PPTC7: variants seen among roughly 807,000 people sequenced by gnomAD.
PPTC7 encodes the protein protein phosphatase targeting COQ7, also known as protein phosphatase PTC7 homolog.
In PPTC7, 6 loss-of-function variants were observed where a neutral mutation model predicts 30.8. That is an observed-to-expected ratio of 0.19 (90% confidence interval 0.11 to 0.38). The LOEUF (loss-of-function observed/expected upper bound fraction) is 0.38. Ranked by LOEUF, PPTC7 falls within the 10% of genes least tolerant of loss-of-function variation. The probability of loss-of-function intolerance (pLI) is 1.00; values close to 1 mark genes in which losing one functional copy is unlikely to be tolerated. For missense variants in PPTC7, 218 were observed against 404.8 expected, an observed-to-expected ratio of 0.54 and a Z score of 3.96; for synonymous variants, 163 against 168.1, an observed-to-expected ratio of 0.97 and a Z score of 0.23.
intron 1 of PPTC7, among the ~76,000 whole-genome samples, chr12:110,580,511 G>C (rs2135800778): frequency 6.6e-6 from 1 of 151,994 alleles, no homozygotes; most frequent in East Asian, 1.9e-4. Context: ...CCTAATTTTT[G>C]TATTTTTTAG....
intron 1 of PPTC7, among the ~76,000 whole-genome samples, chr12:110,561,133 G>A (rs1283637925): frequency 3.3e-5 from 5 of 152,114 alleles, no homozygotes; most frequent in African/African-American, 7.2e-5. Flanking sequence ...ATTGCAGTAC[G>A]ACAGGCATCT....
At chr12:110,550,058 T>C (rs972944252) in intron 2 of PPTC7, among the ~76,000 whole-genome samples, 6 of 152,114 alleles carry the variant, frequency 3.9e-5, no homozygotes, top group Non-Finnish European at 7.4e-5. Flanking sequence ...ATATTGAAAC[T>C]GCAAGACAAG....
At chr12:110,569,863 T>TAA (rs2064518166) in intron 1 of PPTC7, among the ~76,000 whole-genome samples, 2 of 152,206 alleles carry the variant, frequency 1.3e-5, no homozygotes, top group African/African-American at 4.8e-5. Flanking sequence ...CCTTGTCCTT[T>TAA]CACTTTAGTT....
At chr12:110,576,978 C>A (rs1369429580) in intron 1 of PPTC7, among the ~76,000 whole-genome samples, 1 of 151,980 alleles carries the variant, frequency 6.6e-6, no homozygotes, top group Non-Finnish European at 1.5e-5. Flanking sequence ...ACTAGCCTGG[C>A]CAACATGGTG....
At chr12:110,537,171 CTAGGAG>C in intron 5 of PPTC7, 76 bp from the exon 6 acceptor site, 6 of 1,181,684 alleles carry the variant, frequency 5.1e-6, no homozygotes, top group African/African-American at 1.5e-5. Flanking sequence ...AAATTAAGTA[CTAGGAG>C]ACAAATGCTT....
chr12:110,562,774 C>T (rs540568459), intron 1 of PPTC7, among the ~76,000 whole-genome samples: 9 of 148,552 alleles, frequency 6.1e-5, no homozygotes, highest in East Asian at 2.0e-4. Flanking sequence ...GCCTGGGTGA[C>T]AAAGCGAGAC....
At chr12:110,556,762 C>CT (rs2064390846) in intron 1 of PPTC7, among the ~76,000 whole-genome samples, 1 of 152,194 alleles carries the variant, frequency 6.6e-6, no homozygotes, top group African/African-American at 2.4e-5. Flanking sequence ...AAGCCGGTCT[C>CT]TGAGAAGCTC....
intron 1 of PPTC7, among the ~76,000 whole-genome samples, chr12:110,554,528 T>C (rs973840093): frequency 6.6e-6 from 1 of 152,200 alleles, no homozygotes; most frequent in African/African-American, 2.4e-5. Context: ...AAATTACATA[T>C]GTGGCTCACA....
rs189344144 is a variant in PPTC7 at position 110,550,292 on chromosome 12, G to A, written c.403+1497C>T. 2.0e-5 allele frequency among the ~76,000 whole-genome samples: 3 copies of A among 146,568 alleles called. No homozygotes were observed. In the East Asian group the frequency reaches 6.1e-4, roughly 30 times the overall value. ...GTCGCCCACGCTGGAGTGCAGTGGCGCGATTTTGGCTCACTGCAAGCTCCG... is the reference window on the plus strand; with the variant it reads ...GTCGCCCACGCTGGAGTGCAGTGGCACGATTTTGGCTCACTGCAAGCTCCG... On this transcript the variant is annotated intron_variant, in intron 2 of 5. Transcript: ENST00000354300.
chr12:110,576,441 A>G (rs922911338), intron 1 of PPTC7, among the ~76,000 whole-genome samples: 1 of 152,218 alleles, frequency 6.6e-6, no homozygotes, highest in African/African-American at 2.4e-5. Context: ...GCACAGCACT[A>G]TTCACAATAG....
At chr12:110,570,347 C>T (rs544694368) in intron 1 of PPTC7, among the ~76,000 whole-genome samples, 36 of 78,136 alleles carry the variant, frequency 4.6e-4, no homozygotes, top group African/African-American at 2.5e-3. Flanking sequence ...GCCGCAGGGA[C>T]CTCTGCCTAG....
chr12:110,555,181 C>T (rs755789007), intron 1 of PPTC7, among the ~76,000 whole-genome samples: 6 of 152,048 alleles, frequency 3.9e-5, no homozygotes, highest in African/African-American at 1.2e-4. Flanking sequence ...GGGAACACAT[C>T]GTGAAAAAGT....
chr12:110,576,740 G>C (rs1351298365), intron 1 of PPTC7, among the ~76,000 whole-genome samples: 1 of 151,934 alleles, frequency 6.6e-6, no homozygotes, highest in Admixed American at 6.6e-5. Flanking sequence ...GGTTTCTTGG[G>C]GGGTGATGAA....
intron 1 of PPTC7, among the ~76,000 whole-genome samples, chr12:110,582,482 G>A (rs1350214800): frequency 6.6e-6 from 1 of 152,182 alleles, no homozygotes; most frequent in East Asian, 1.9e-4. Flanking sequence ...CCAGGGAGGG[G>A]ACGAGGTCGC....
intron 1 of PPTC7, among the ~76,000 whole-genome samples, chr12:110,560,648 C>T (rs1593156898): frequency 1.3e-5 from 2 of 152,154 alleles, no homozygotes; most frequent in Non-Finnish European, 1.5e-5. Flanking sequence ...ATGCAGTTAC[C>T]TACAAAGCAA....
At position 110,537,040 on chromosome 12, in the gene PPTC7, G is replaced by A. The variant is rs371513363; in HGVS notation, c.912C>T (p.Asp304=). The change falls in exon 6 of 6, where the codon GAC becomes GAT. Residue 304 remains aspartate (D), a synonymous_variant. Transcript: ENST00000354300. ...VLLSIVAEYT[D] The stretch of plus-strand genomic sequence containing the variant: ...AAGGCAGGACTTGACACCTCAGCTA[G>A]TCTGTATACTCAGCCACTATTGAAA... 21 of 1,612,052 alleles carry A rather than the reference G, an allele frequency of 1.3e-5. No homozygotes were observed. The highest frequency in any genetic ancestry group is 1.8e-5 in the Non-Finnish European group (21 of 1,178,294).
Position 110,534,132 on chromosome 12 carries a change from T to C in PPTC7, c.*2905A>G, listed in dbSNP as rs1179421631. ...CATCTCCATTTGGTAAATTTTTTTT[T>C]TTTTTGTGCGCAGGCAGCTTAAGTT... On this transcript the variant is annotated 3_prime_UTR_variant, in exon 6 of 6. Coordinates refer to ENST00000354300, the MANE Select transcript of PPTC7 (RefSeq NM_139283.2). The C allele has an allele frequency of 6.6e-6, 1 of 152,164 alleles. No individual in the cohort carries two copies. The highest frequency in any genetic ancestry group is 1.9e-4 in the East Asian group (1 of 5,196). 9.4% of individuals were successfully genotyped at this position (152,164 alleles called of 1,614,324 possible).
intron 1 of PPTC7, among the ~76,000 whole-genome samples, chr12:110,579,364 G>T (rs1031394302): frequency 6.6e-6 from 1 of 152,294 alleles, no homozygotes. Flanking sequence ...TTGCATATGT[G>T]CATGCTTGAT....
chr12:110,538,039 G>A, intron 5 of PPTC7, 105 bp downstream of exon 5: 1 of 1,228,856 alleles, frequency 8.1e-7, no homozygotes, highest in Non-Finnish European at 1.1e-6. Context: ...CAGTTTGGGG[G>A]CTGGGAGAGG....
Sources: allele counts gnomAD v4.1 joint callset (sites outside exome capture counted in the v4.1 genomes callset), GRCh38; gene constraint gnomAD v4.1.1; transcripts MANE v1.5; gene names NCBI Gene and HGNC (gene_info 2026-07-23, HGNC 2026-07-21).